Variants in RBM33 observed in about 807,000 individuals in gnomAD.
RBM33 encodes RNA binding motif protein 33, also known as RNA-binding protein 33.
RBM33 carries 28 observed loss-of-function variants against 132.6 expected under a neutral mutation model. That is an observed-to-expected ratio of 0.21 (90% CI 0.16 to 0.29). The LOEUF (loss-of-function observed/expected upper bound fraction) is 0.29, where lower values mean the gene tolerates loss of function less well. RBM33 is among the 10% of genes least tolerant of loss of function. The probability of loss-of-function intolerance (pLI) is 1.00; values close to 1 mark genes in which losing one functional copy is unlikely to be tolerated. For synonymous variants in RBM33, 634 were observed against 593.0 expected (o/e 1.07, Z -1.01); for missense variants, 1,291 against 1,518.5 (o/e 0.85, Z 2.49).
chr7:155,769,637 ATTCTGC>A, intron 16 of RBM33, among the ~76,000 whole-genome samples: 1 of 152,184 alleles, frequency 6.6e-6, no homozygotes, highest in African/African-American at 2.4e-5. Context: ...TGACTGACTG[ATTCTGC>A]TTCTGCTTCT....
At chr7:155,700,546 CTTTTTTTTTTTTTTTT>C (rs529323301) in intron 5 of RBM33, among the ~76,000 whole-genome samples, 6 of 85,600 alleles carry the variant, frequency 7.0e-5, no homozygotes, top group Non-Finnish European at 1.1e-4. Context: ...AGAATTTGAC[CTTTTTTTTTTTTTTTT>C]TTTTTTTTTT....
At chr7:155,762,073 G>A (rs1416265115) in intron 14 of RBM33, among the ~76,000 whole-genome samples, 9 of 152,246 alleles carry the variant, frequency 5.9e-5, no homozygotes, top group Non-Finnish European at 1.0e-4. Context: ...GGATGAGCTT[G>A]TGCTCAGGTC....
At chr7:155,645,885 C>A (rs1277407332) in intron 1 of RBM33, among the ~76,000 whole-genome samples, 1 of 152,118 alleles carries the variant, frequency 6.6e-6, no homozygotes, top group Non-Finnish European at 1.5e-5. Context: ...AATTTTGGCC[C>A]AACTGTCAAA....
At chr7:155,760,254 G>A (rs1252058482) in intron 14 of RBM33, among the ~76,000 whole-genome samples, 2 of 152,246 alleles carry the variant, frequency 1.3e-5, no homozygotes, top group Non-Finnish European at 2.9e-5. Context: ...GGCATCCTTG[G>A]AGACCTAGTT....
At chr7:155,673,001 C>A in intron 3 of RBM33, 86 bp downstream of exon 3, 2 of 871,860 alleles carry the variant, frequency 2.3e-6, no homozygotes, top group Non-Finnish European at 3.4e-6. Flanking sequence ...ACATGGGTTT[C>A]ATTACTGGAA....
chr7:155,703,516 A>C (rs1210020518), intron 6 of RBM33, among the ~76,000 whole-genome samples: 1 of 152,186 alleles, frequency 6.6e-6, no homozygotes, highest in African/African-American at 2.4e-5. Context: ...CCATAGTTAA[A>C]AGTACCTTTT....
chr7:155,720,079 G>A (rs1800575404), intron 9 of RBM33, among the ~76,000 whole-genome samples: 2 of 152,188 alleles, frequency 1.3e-5, no homozygotes, highest in Admixed American at 1.3e-4. Context: ...AGTACTCTAA[G>A]CATGGTAAAT....
At chr7:155,673,625 T>TAC (rs1173297353) in intron 3 of RBM33, among the ~76,000 whole-genome samples, 3 of 29,988 alleles carry the variant, frequency 1.0e-4, no homozygotes, top group Admixed American at 6.5e-4. Flanking sequence ...TGTATATATA[T>TAC]ACACACATAT....
chr7:155,669,754 C>A (rs1331143856), intron 2 of RBM33, among the ~76,000 whole-genome samples: 1 of 152,170 alleles, frequency 6.6e-6, no homozygotes, highest in Non-Finnish European at 1.5e-5. Context: ...GTTCCTGCCC[C>A]GGCCTTGTGG....
chr7:155,754,097 CCATTGGT>C (rs1163720166), intron 14 of RBM33, among the ~76,000 whole-genome samples: 2 of 152,134 alleles, frequency 1.3e-5, no homozygotes, highest in Non-Finnish European at 2.9e-5. Context: ...GCAAGATAGA[CCATTGGT>C]CATTAGAGGA....
chr7:155,735,220 T>C (rs1444940437), intron 9 of RBM33, among the ~76,000 whole-genome samples: 2 of 152,234 alleles, frequency 1.3e-5, no homozygotes, highest in Non-Finnish European at 2.9e-5. Flanking sequence ...GTTCACACCA[T>C]GTGTTTCATT....
chr7:155,763,084 C>A (rs1403821696), intron 14 of RBM33, among the ~76,000 whole-genome samples: 1 of 152,222 alleles, frequency 6.6e-6, no homozygotes, highest in Non-Finnish European at 1.5e-5. Context: ...GATCGATGAA[C>A]AGACTGTTAA....
Position 155,780,298 on chromosome 7 carries a change from C to T in RBM33, c.*5257C>T, listed in dbSNP as rs970858073. On this transcript the variant is annotated 3_prime_UTR_variant, in exon 18 of 18. Coordinates refer to ENST00000401878, the MANE Select transcript of RBM33 (RefSeq NM_053043.3). ...GAGCAAAAAAAGCCACCGCTCGTTT[C>T]TATAATCCAGCTTTGCTTTTCACAG... is the stretch of plus-strand genomic sequence containing the variant. The T allele has an allele frequency of 6.6e-6, 1 of 152,226 alleles. No homozygotes were observed. The highest frequency in any genetic ancestry group is 1.5e-5 in the Non-Finnish European group (1 of 68,046). 9.4% of individuals were successfully genotyped at this position (152,226 alleles called of 1,614,324 possible). A position where few individuals can be genotyped will look rare whatever the true frequency, so the allele number is the denominator to read the frequency against.
At chr7:155,648,236 A>C (rs1798255565) in intron 1 of RBM33, among the ~76,000 whole-genome samples, 2 of 152,228 alleles carry the variant, frequency 1.3e-5, no homozygotes, top group Non-Finnish European at 2.9e-5. Flanking sequence ...ATTTCAAACA[A>C]ATCCTAGGCT....
At chr7:155,713,537 G>A (rs1430201405) in intron 8 of RBM33, among the ~76,000 whole-genome samples, 1 of 152,072 alleles carries the variant, frequency 6.6e-6, no homozygotes, top group South Asian at 2.1e-4. Context: ...GGAGGATGAC[G>A]GTCGATGGGG....
chr7:155,650,558 T>C (rs1418757879), intron 1 of RBM33, among the ~76,000 whole-genome samples: 1 of 152,198 alleles, frequency 6.6e-6, no homozygotes, highest in Non-Finnish European at 1.5e-5. Context: ...TTTTCTTCCT[T>C]GGTATTTGTG....
At chr7:155,756,821 C>A (rs1434481830) in intron 14 of RBM33, among the ~76,000 whole-genome samples, 1 of 150,464 alleles carries the variant, frequency 6.6e-6, no homozygotes, top group African/African-American at 2.5e-5. Flanking sequence ...AGCCGGGTAG[C>A]TTGGTGGTGG....
Position 155,739,932 on chromosome 7 carries a change from T to A in RBM33, c.1955T>A (p.Met652Lys). 1 of 1,552,022 alleles carries A rather than the reference T, an allele frequency of 6.4e-7. No individual in the cohort carries two copies. Among genetic ancestry groups the A allele is most frequent in the Non-Finnish European group, 8.7e-7 (1 of 1,147,574 alleles). ...LSVPPPPLMP[M>K]SQPQFRPHVQ... ...GTCCCGCCCCCTCCTTTGATGCCGA[T>A]GTCTCAGCCACAGTTCCGGCCTCAC... The change falls in exon 12 of 18, where the codon ATG (methionine) becomes AAG (lysine). Residue 652 changes from methionine (M) to lysine (K), a missense_variant. Around this residue, in one of 7 missense-constraint regions of RBM33, gnomAD observed 841 missense variants for 912.0 expected, o/e 0.92. Transcript: ENST00000401878.
chr7:155,721,430 A>G (rs1470401713), intron 9 of RBM33, among the ~76,000 whole-genome samples: 1 of 152,014 alleles, frequency 6.6e-6, no homozygotes, highest in Non-Finnish European at 1.5e-5. Context: ...TATATTTTTT[A>G]CTTGTTGTAT....
Sources: gnomAD v4.1 joint callset for allele counts (sites outside exome capture counted in the v4.1 genomes callset) on GRCh38, gnomAD v4.1.1 for gene constraint, gnomAD v4.1.1 regional missense constraint, MANE v1.5 for transcripts, NCBI Gene and HGNC (gene_info 2026-07-23, HGNC 2026-07-21) for gene names.